Variants in CNTN5 observed in about 807,000 individuals in gnomAD.
CNTN5 encodes contactin-5.
CNTN5 carries 77 observed loss-of-function variants against 129.1 expected under a neutral mutation model. That is an observed-to-expected ratio of 0.60 (90% confidence interval 0.50 to 0.72). The LOEUF is 0.72. Ranked by LOEUF, CNTN5 falls within the 30% of genes least tolerant of loss-of-function variation. The pLI, the probability that CNTN5 is intolerant of heterozygous loss-of-function variation, is 0.00. For missense variants in CNTN5, 1,478 were observed against 1,328.8 expected (o/e 1.11, Z -1.75); for synonymous variants, 509 against 465.6 (o/e 1.09, Z -1.20).
chr11:99,608,932 G>A (rs781047582), intron 3 of CNTN5, among the ~76,000 whole-genome samples: 1 of 152,136 alleles, frequency 6.6e-6, no homozygotes, highest in Non-Finnish European at 1.5e-5. Flanking sequence ...CATAGACATT[G>A]CAATCTGCTC....
intron 7 of CNTN5, among the ~76,000 whole-genome samples, chr11:99,932,012 C>A (rs1201622564): frequency 6.6e-6 from 1 of 152,152 alleles, no homozygotes; most frequent in African/African-American, 2.4e-5. Context: ...TAACCTGGCA[C>A]TCGATCCTTT....
At chr11:99,342,585 A>C (rs897342544) in intron 2 of CNTN5, among the ~76,000 whole-genome samples, 9 of 144,182 alleles carry the variant, frequency 6.2e-5, no homozygotes, top group Non-Finnish European at 1.2e-4. Flanking sequence ...AAAAAAAAAA[A>C]AAAAAAAAAA....
At chr11:99,976,312 G>A (rs967467969) in intron 8 of CNTN5, among the ~76,000 whole-genome samples, 3 of 152,182 alleles carry the variant, frequency 2.0e-5, no homozygotes, top group African/African-American at 4.8e-5. Context: ...GCAAACTGTT[G>A]GTGGATCTAG....
At chr11:99,122,696 A>G (rs987660296) in intron 1 of CNTN5, among the ~76,000 whole-genome samples, 9 of 151,562 alleles carry the variant, frequency 5.9e-5, no homozygotes, top group African/African-American at 2.2e-4. Flanking sequence ...TGATCCTCTC[A>G]CTCCTCACGC....
chr11:99,266,365 T>C (rs1301173995), intron 1 of CNTN5, among the ~76,000 whole-genome samples: 2 of 151,984 alleles, frequency 1.3e-5, no homozygotes, highest in Non-Finnish European at 2.9e-5. Context: ...TTGGAAAGCA[T>C]AGGTGGGAGG....
intron 1 of CNTN5, among the ~76,000 whole-genome samples, chr11:99,126,404 A>T (rs1250035917): frequency 5.3e-5 from 8 of 152,198 alleles, no homozygotes; most frequent in African/African-American, 1.9e-4. Flanking sequence ...GTATTTTATT[A>T]GGAGTGTGAC....
chr11:99,758,578 A>G (rs1240130631), intron 3 of CNTN5, among the ~76,000 whole-genome samples: 2 of 152,040 alleles, frequency 1.3e-5, no homozygotes, highest in African/African-American at 4.8e-5. Flanking sequence ...GATAATTTTC[A>G]TAGAATGTGA....
intron 6 of CNTN5, among the ~76,000 whole-genome samples, chr11:99,845,626 C>T (rs1445536138): frequency 6.6e-6 from 1 of 152,030 alleles, no homozygotes; most frequent in Non-Finnish European, 1.5e-5. Flanking sequence ...CCCGCCTCGG[C>T]CTCCCAAAGT....
intron 3 of CNTN5, among the ~76,000 whole-genome samples, chr11:99,665,616 G>T (rs1164791010): frequency 6.7e-6 from 1 of 150,266 alleles, no homozygotes; most frequent in African/African-American, 2.5e-5. Context: ...CCTCCCAAGT[G>T]GCTGGGTTTA....
rs565160069 is a variant in CNTN5 at position 99,380,547 on chromosome 11, A to C, written c.-71+55063A>C. On this transcript the variant is annotated intron_variant, in intron 2 of 24. Transcript: ENST00000524871. ...CACTTCGGGAGGCTGAGGTAGGTGG[A>C]TCATCTGAGGTCAGAAGTTGGAGAG... is the stretch of plus-strand genomic sequence containing the variant. Among the ~76,000 whole-genome samples, 3 of 152,218 alleles carry C rather than the reference A, an allele frequency of 2.0e-5. No homozygotes were observed. In the South Asian group the frequency reaches 6.2e-4, roughly 32 times the overall value.
At chr11:99,608,232 C>G (rs1950488690) in intron 3 of CNTN5, among the ~76,000 whole-genome samples, 1 of 152,094 alleles carries the variant, frequency 6.6e-6, no homozygotes, top group Non-Finnish European at 1.5e-5. Context: ...GTTGTCCCAT[C>G]TATGCTGCAT....
chr11:99,878,849 G>A (rs150198300), intron 6 of CNTN5, among the ~76,000 whole-genome samples: 123 of 152,086 alleles, frequency 8.1e-4, no homozygotes, highest in Non-Finnish European at 1.4e-3. Flanking sequence ...GCGAGACTCC[G>A]TCTCAAAAAA....
intron 17 of CNTN5, among the ~76,000 whole-genome samples, chr11:100,256,709 C>T (rs1442422716): frequency 6.6e-6 from 1 of 152,026 alleles, no homozygotes; most frequent in African/African-American, 2.4e-5. Context: ...TCGGAGAATT[C>T]CCTCCCCTAG....
At chr11:99,968,699 T>C (rs1431157176) in intron 8 of CNTN5, among the ~76,000 whole-genome samples, 1 of 124,528 alleles carries the variant, frequency 8.0e-6, no homozygotes, top group Non-Finnish European at 1.6e-5. Context: ...ATTTCCCTTC[T>C]AAGTGCTGCT....
chr11:99,288,264 G>A lies in CNTN5; in HGVS notation c.-209-37082G>A, dbSNP rs181990427. Reference sequence around the variant, plus strand: ...ATATTATCATTAAAGCATATCTGGAGTTAGCCAATTAGGACACTCACTGAA... The same window carrying A: ...ATATTATCATTAAAGCATATCTGGAATTAGCCAATTAGGACACTCACTGAA... On this transcript the variant is annotated intron_variant, in intron 1 of 24. Transcript: ENST00000524871. Among the ~76,000 whole-genome samples, 6 of 151,894 alleles carry A rather than the reference G, an allele frequency of 4.0e-5. No individual in the cohort carries two copies. The East Asian group carries it at 9.7e-4, about 24-fold the overall frequency.
chr11:99,724,377 C>T (rs942978758), intron 3 of CNTN5, among the ~76,000 whole-genome samples: 1 of 152,292 alleles, frequency 6.6e-6, no homozygotes, highest in African/African-American at 2.4e-5. Context: ...GACTCCCTGG[C>T]AGATCATCAG....
chr11:99,175,885 A>G (rs1342582181), intron 1 of CNTN5, among the ~76,000 whole-genome samples: 1 of 152,168 alleles, frequency 6.6e-6, no homozygotes, highest in African/African-American at 2.4e-5. Flanking sequence ...GGTATATTAC[A>G]TACAAAATTG....
chr11:99,500,900 C>T (rs1946402331), intron 2 of CNTN5, among the ~76,000 whole-genome samples: 1 of 152,060 alleles, frequency 6.6e-6, no homozygotes, highest in Admixed American at 6.6e-5. Context: ...AATTTATACT[C>T]CTAGCAAAGC....
chr11:99,893,851 C>T (rs1196738238), intron 6 of CNTN5, among the ~76,000 whole-genome samples: 3 of 151,964 alleles, frequency 2.0e-5, no homozygotes, highest in Non-Finnish European at 4.4e-5. Context: ...ATATATTTGG[C>T]TAGAGCAAAT....
Sources: allele counts gnomAD v4.1 joint callset (sites outside exome capture counted in the v4.1 genomes callset), GRCh38; gene constraint gnomAD v4.1.1; transcripts MANE v1.5; gene names NCBI Gene and HGNC (gene_info 2026-07-23, HGNC 2026-07-21).